The following DGKH variants were observed in gnomAD, a reference collection of about 807,000 sequenced individuals.
DGKH encodes the protein DAG kinase eta.
In DGKH, 90 loss-of-function variants were observed where a neutral mutation model predicts 159.3. The ratio of observed to expected loss-of-function variants is 0.57; its 90% CI spans 0.48 to 0.67. DGKH has a LOEUF of 0.67. Ranked by LOEUF, DGKH falls within the 30% of genes least tolerant of loss-of-function variation. The pLI is 0.00. For synonymous variants in DGKH, 536 were observed against 553.8 expected, an observed-to-expected ratio of 0.97 and a Z score of 0.45; for missense variants, 1,181 against 1,506.1, an observed-to-expected ratio of 0.78 and a Z score of 3.57.
At chr13:42,120,743 T>C (rs186525938) in intron 1 of DGKH, among the ~76,000 whole-genome samples, 189 of 152,320 alleles carry the variant, frequency 1.2e-3, no homozygotes, top group African/African-American at 4.3e-3. Flanking sequence ...ATGGAGGCTG[T>C]AATTTTTAGT....
In DGKH at chr13:42,232,478, A is replaced by G. The variant is rs534848688; in HGVS notation, c.*3290A>G. The G allele has an allele frequency of 6.6e-6, 1 of 152,126 alleles. No individual in the cohort carries two copies. The allele number at this position is 152,126 out of a possible 1,614,324, so 9.4% of individuals were successfully genotyped here. ...ACCTCCCTTTCTGAGTTTCTTTCCT[A>G]CATCCTGGCTCTTCATTTTCCCAAT... On this transcript the variant is annotated 3_prime_UTR_variant, in exon 30 of 30. Coordinates refer to ENST00000337343, the MANE Select transcript of DGKH (RefSeq NM_178009.5).
chr13:42,157,079 A>G (rs1481897479), intron 5 of DGKH, among the ~76,000 whole-genome samples: 1 of 152,236 alleles, frequency 6.6e-6, no homozygotes, highest in African/African-American at 2.4e-5. Context: ...AACTTATTCC[A>G]AATTTGCATC....
chr13:42,194,054 G>A (rs551429947), intron 16 of DGKH, among the ~76,000 whole-genome samples: 15 of 152,196 alleles, frequency 9.9e-5, no homozygotes, highest in Non-Finnish European at 2.2e-4. Context: ...AGAACTGTTT[G>A]GGCAAATCAT....
rs776422302 is a variant in DGKH at position 42,095,156 on chromosome 13, C to CTTTTTTTTTTTTTTTTTTT, written c.193-32301_193-32283dup. On this transcript the variant is annotated intron_variant, in intron 1 of 29. Coordinates refer to ENST00000337343, the MANE Select transcript of DGKH (RefSeq NM_178009.5). ...GCAGCCGCTCAATAAATGTTGACTC[C>CTTTTTTTTTTTTTTTTTTT]TTTTTTTTTTTTTTTTTTTTTTTTG... Among the ~76,000 whole-genome samples the CTTTTTTTTTTTTTTTTTTT allele has an allele frequency of 5.2e-5, 4 of 76,814 alleles. 1 individual carries two copies. The highest frequency in any genetic ancestry group is 7.0e-5 in the Non-Finnish European group (3 of 42,954). The allele number at this position is 76,814 out of a possible 152,430, so 50.4% of individuals were successfully genotyped here. A position where few individuals can be genotyped will look rare whatever the true frequency, so the allele number is the denominator to read the frequency against.
rs2138319301 is a variant in DGKH, at chr13:42,239,251, G to T, written c.*10063G>T. On this transcript the variant is annotated 3_prime_UTR_variant, in exon 30 of 30. Transcript: ENST00000337343. ...ATTTTAAAAAAATATACATAATTAT[G>T]AGGATGAGAGAATTGCAAACTTGAA... The T allele has an allele frequency of 6.6e-6, 1 of 152,342 alleles. No homozygotes were observed. Among genetic ancestry groups the T allele is most frequent in the East Asian group, 1.9e-4 (1 of 5,190 alleles). The allele number at this position is 152,342 out of a possible 1,614,324, so 9.4% of individuals were successfully genotyped here.
intron 26 of DGKH, among the ~76,000 whole-genome samples, chr13:42,215,902 T>A (rs1478456420): frequency 6.6e-6 from 1 of 152,220 alleles, no homozygotes; most frequent in Non-Finnish European, 1.5e-5. Context: ...CATCCTGTTT[T>A]TAGGCAGCCC....
chr13:42,124,309 A>ATTATAT (rs2067373), intron 1 of DGKH, among the ~76,000 whole-genome samples: 102,204 of 151,890 alleles, frequency 0.67, 35,121 homozygotes, highest in African/African-American at 0.81. Context: ...ATAGATTTAA[A>ATTATAT]TAATTTGACT....
At chr13:42,190,570 C>T (rs749326593) in intron 16 of DGKH, 45 bp downstream of exon 16, 6 of 1,539,584 alleles carry the variant, frequency 3.9e-6, no homozygotes, top group Non-Finnish European at 4.4e-6. Context: ...AATAAAATGT[C>T]ATTTTGCTTT....
At chr13:42,207,062 C>CTTCCTTCTTTCTTTCT (rs1957508071) in intron 21 of DGKH, among the ~76,000 whole-genome samples, 2 of 65,376 alleles carry the variant, frequency 3.1e-5, no homozygotes, top group East Asian at 4.2e-4. Flanking sequence ...TCTTTCCTTC[C>CTTCCTTCTTTCTTTCT]TTCTTTCTTT....
chr13:42,206,086 G>A lies in DGKH; in HGVS notation c.2541G>A (p.Val847=). The change falls in exon 21 of 30, where the codon GTG becomes GTA. Residue 847 remains valine (V), a synonymous_variant. Transcript: ENST00000337343. Reference sequence around the variant, plus strand: ...TTCCCAGCTTGCAAGGCATAGCCGTGTTGAACATTCCCAGCTATGCTGGAG... The same window carrying A: ...TTCCCAGCTTGCAAGGCATAGCCGTATTGAACATTCCCAGCTATGCTGGAG... ...IPLPSLQGIA[V]LNIPSYAGGT... is the part of the protein sequence containing the mutation. 1 of 1,462,420 alleles carries A rather than the reference G, an allele frequency of 6.8e-7. No homozygotes were observed. The highest frequency in any genetic ancestry group is 1.5e-5 in the African/African-American group (1 of 68,772). 90.6% of individuals were successfully genotyped at this position (1,462,420 alleles called of 1,614,324 possible).
At chr13:42,215,438 CTT>C (rs1232485045) in intron 25 of DGKH, 135 bp from the exon 26 acceptor site, 1 of 576,956 alleles carries the variant, frequency 1.7e-6, no homozygotes, top group Admixed American at 3.0e-5. Context: ...ATGTATGAAA[CTT>C]TGCGATTATA....
chr13:42,206,427 T>G (rs1957473696), intron 21 of DGKH, among the ~76,000 whole-genome samples: 1 of 152,210 alleles, frequency 6.6e-6, no homozygotes, highest in Non-Finnish European at 1.5e-5. Flanking sequence ...TTTTGGAAAG[T>G]AGATTTATGA....
At chr13:42,213,664 A>T (rs1419895095) in intron 24 of DGKH, among the ~76,000 whole-genome samples, 1 of 152,112 alleles carries the variant, frequency 6.6e-6, no homozygotes, top group East Asian at 1.9e-4. Context: ...CTCTTGGTTC[A>T]GCTATATAGG....
chr13:42,092,300 T>A (rs1485048134), intron 1 of DGKH, among the ~76,000 whole-genome samples: 1 of 152,224 alleles, frequency 6.6e-6, no homozygotes, highest in East Asian at 1.9e-4. Flanking sequence ...CCATGTTTAT[T>A]GCCCACTGTT....
chr13:42,199,289 T>A (rs1957288981), intron 18 of DGKH, among the ~76,000 whole-genome samples: 1 of 152,176 alleles, frequency 6.6e-6, no homozygotes, highest in African/African-American at 2.4e-5. Flanking sequence ...GTGAGGAACT[T>A]AAGTAGAAAT....
At chr13:42,136,400 A>G (rs1398416407) in intron 3 of DGKH, among the ~76,000 whole-genome samples, 2 of 152,198 alleles carry the variant, frequency 1.3e-5, no homozygotes, top group African/African-American at 4.8e-5. Context: ...TGTTAGGTAA[A>G]TGTTATTTGC....
At chr13:42,105,313 C>T (rs1472911735) in intron 1 of DGKH, among the ~76,000 whole-genome samples, 1 of 152,060 alleles carries the variant, frequency 6.6e-6, no homozygotes, top group East Asian at 1.9e-4. Flanking sequence ...CGTCCTTTTA[C>T]AAGGAACCCC....
intron 21 of DGKH, among the ~76,000 whole-genome samples, chr13:42,207,019 C>CT (rs1566191693): frequency 1.4e-5 from 2 of 140,882 alleles, no homozygotes; most frequent in African/African-American, 5.4e-5. Flanking sequence ...TTCTTTCTTT[C>CT]TTTCTTTTTC....
chr13:42,127,923 T>TGA (rs138019647), intron 2 of DGKH, among the ~76,000 whole-genome samples: 139 of 148,052 alleles, frequency 9.4e-4, no homozygotes, highest in African/African-American at 1.4e-3. Context: ...TCCCTGACCA[T>TGA]GAGAGAGAGA....
Sources: allele counts gnomAD v4.1 joint callset (sites outside exome capture counted in the v4.1 genomes callset), GRCh38; gene constraint gnomAD v4.1.1; transcripts MANE v1.5; gene names NCBI Gene and HGNC (gene_info 2026-07-23, HGNC 2026-07-21).